CEP72: variants seen among roughly 807,000 people sequenced by gnomAD.
CEP72 encodes centrosomal protein 72, also known as centrosomal protein of 72 kDa.
In CEP72, 78 loss-of-function variants were observed where a neutral mutation model predicts 65.7. That is an observed-to-expected ratio of 1.19 (90% CI 0.99 to 1.43). CEP72 has a LOEUF of 1.43. CEP72 is among the 40% of genes most tolerant of loss of function. The pLI, the probability that CEP72 is intolerant of heterozygous loss-of-function variation, is 0.00. For synonymous variants in CEP72, 358 were observed against 351.7 expected (o/e 1.02, Z -0.20); for missense variants, 914 against 832.9 (o/e 1.10, Z -1.20).
intron 9 of CEP72, chr5:644,049 TCTCACAGGACTGGGGCG>T: frequency 2.3e-6 from 1 of 438,508 alleles, no homozygotes; most frequent in Non-Finnish European, 4.1e-6. Flanking sequence ...GGAGTGGGGC[TCTCACAGGACTGGGGCG>T]CTCCTTTCCA....
chr5:651,301 C>A (rs1561065958), intron 11 of CEP72, among the ~76,000 whole-genome samples: 1 of 131,414 alleles, frequency 7.6e-6, no homozygotes, highest in Non-Finnish European at 1.6e-5. Flanking sequence ...TGAGGTGTGA[C>A]TGTGAGGTGT....
downstream of CEP72, among the ~76,000 whole-genome samples, chr5:670,107 C>T (rs1301078321): frequency 1.3e-5 from 2 of 152,132 alleles, no homozygotes; most frequent in African/African-American, 2.4e-5. Flanking sequence ...CTGGTTCAGT[C>T]TCTCAGGGAC....
chr5:637,566 A>G lies in CEP72; in HGVS notation c.954A>G (p.Ser318=). Residue 318 remains serine, a synonymous_variant, in exon 7 of 12, where the codon TCA becomes TCG. Transcript: ENST00000264935. ...DSASSQKLDL[S]GEMVPGPLPA... is the part of the protein sequence containing the mutation. Reference sequence around the variant, plus strand: ...CCTCTTCTCAGAAGTTGGATTTGTCAGGAGAAATGGTGCCTGGTCCCCTGC... The same window carrying G: ...CCTCTTCTCAGAAGTTGGATTTGTCGGGAGAAATGGTGCCTGGTCCCCTGC... The G allele has an allele frequency of 6.2e-7, 1 of 1,614,072 alleles. No homozygotes were observed. Among genetic ancestry groups the G allele is most frequent in the Non-Finnish European group, 8.5e-7 (1 of 1,180,026 alleles).
intron 1 of CEP72, among the ~76,000 whole-genome samples, chr5:613,020 A>G (rs1217316126): frequency 1.3e-5 from 2 of 152,088 alleles, no homozygotes; most frequent in Non-Finnish European, 2.9e-5. Flanking sequence ...GGACATGTCA[A>G]TTTCTGTTTT....
intron 4 of CEP72, among the ~76,000 whole-genome samples, chr5:625,288 A>G (rs1208538078): frequency 6.6e-6 from 1 of 152,222 alleles, no homozygotes; most frequent in Non-Finnish European, 1.5e-5. Flanking sequence ...CGGATTGTAC[A>G]CTTTCTTGAG....
intron 9 of CEP72, among the ~76,000 whole-genome samples, chr5:643,942 G>A (rs555330078): frequency 7.9e-5 from 12 of 152,342 alleles, no homozygotes; most frequent in East Asian, 3.9e-4. Flanking sequence ...CCGTGAGGGC[G>A]TCCTGGAAGA....
chr5:671,181 G>A (rs1282243883), downstream of CEP72, among the ~76,000 whole-genome samples: 1 of 152,112 alleles, frequency 6.6e-6, no homozygotes, highest in Non-Finnish European at 1.5e-5. Flanking sequence ...GTCTCCCTCT[G>A]GGCGCACACC....
the CEP72 span, among the ~76,000 whole-genome samples, chr5:674,918 G>A: frequency 6.7e-6 from 1 of 150,308 alleles, no homozygotes; most frequent in Non-Finnish European, 1.5e-5. Context: ...TGCAGAGTCA[G>A]GCGCCAGTTG....
At chr5:629,830 T>G (rs1737102322) in intron 4 of CEP72, among the ~76,000 whole-genome samples, 1 of 76,946 alleles carries the variant, frequency 1.3e-5, no homozygotes, top group African/African-American at 9.2e-5. Flanking sequence ...CTGGTGGGGT[T>G]CTGTCCAGCG....
chr5:621,934 C>CG (rs1326275992), intron 3 of CEP72, among the ~76,000 whole-genome samples: 1 of 152,216 alleles, frequency 6.6e-6, no homozygotes, highest in Non-Finnish European at 1.5e-5. Context: ...CCACTGTGCC[C>CG]TGCTAATTTG....
Position 644,344 on chromosome 5 carries a change from A to G in CEP72, c.1585A>G (p.Arg529Gly). Residue 529 changes from arginine to glycine, a missense_variant, in exon 10 of 12, where the codon AGG (arginine) becomes GGG (glycine). Physicochemically the swap from Arg to Gly is moderately radical, Grantham distance 125 (BLOSUM62 -2). Coordinates refer to ENST00000264935, the MANE Select transcript of CEP72 (RefSeq NM_018140.4). ...HLDKSLEENSRLKSLLLSMKK... is the reference protein window; with the variant it reads ...HLDKSLEENSGLKSLLLSMKK... ...AGATAAATCTTTGGAAGAGAACAGTAGGTTAAAATCGCTTTTGTTGAGTAT... is the reference window on the plus strand; with the variant it reads ...AGATAAATCTTTGGAAGAGAACAGTGGGTTAAAATCGCTTTTGTTGAGTAT... 3.7e-6 allele frequency: 6 copies of G among 1,613,888 alleles called. No homozygotes were observed. Among genetic ancestry groups the G allele is most frequent in the Non-Finnish European group, 4.2e-6 (5 of 1,179,898 alleles).
intron 1 of CEP72, 94 bp from the exon 2 acceptor site, chr5:618,896 A>G (rs1040903426): frequency 2.1e-6 from 2 of 944,238 alleles, no homozygotes; most frequent in Middle Eastern, 3.3e-4. Context: ...AATCTGTGTC[A>G]GTTTCTACTC....
intron 4 of CEP72, among the ~76,000 whole-genome samples, chr5:627,661 G>T (rs983182154): frequency 6.6e-6 from 1 of 151,992 alleles, no homozygotes; most frequent in Admixed American, 6.5e-5. Context: ...ATTTTTTGCT[G>T]ACACCACTCC....
At chr5:647,771 A>G in intron 10 of CEP72, 34 bp from the exon 11 acceptor site, 4 of 1,431,388 alleles carry the variant, frequency 2.8e-6, no homozygotes, top group East Asian at 4.5e-5. Context: ...AGTTTTACTC[A>G]TTAATGGTAC....
At chr5:639,471 G>C (rs1039988100) in intron 8 of CEP72, among the ~76,000 whole-genome samples, 2 of 152,134 alleles carry the variant, frequency 1.3e-5, no homozygotes, top group South Asian at 2.1e-4. Flanking sequence ...GGGTGTTGGG[G>C]GGCCTGTCAC....
chr5:633,204 A>T (rs58024809), intron 4 of CEP72, among the ~76,000 whole-genome samples: 11 of 45,850 alleles, frequency 2.4e-4, no homozygotes, highest in African/African-American at 6.8e-4. Flanking sequence ...CGGGATTTAG[A>T]CCAGTCCTGG....
chr5:638,860 C>G (rs1001981985), intron 7 of CEP72, among the ~76,000 whole-genome samples: 1 of 152,072 alleles, frequency 6.6e-6, no homozygotes, highest in Admixed American at 6.5e-5. Flanking sequence ...GTGTGGGCCC[C>G]GTCCTGTCCT....
chr5:622,911 C>T (rs534740524), intron 3 of CEP72, among the ~76,000 whole-genome samples: 64 of 152,378 alleles, frequency 4.2e-4, no homozygotes, highest in African/African-American at 1.5e-3. Flanking sequence ...TCAGGAGCTA[C>T]AGTCCTTATT....
At chr5:643,724 C>T (rs1342766563) in intron 9 of CEP72, 10 of 924,728 alleles carry the variant, frequency 1.1e-5, no homozygotes, top group Non-Finnish European at 1.3e-5. Context: ...TTGGATGGCT[C>T]ACACCTCACC....
Sources: allele counts gnomAD v4.1 joint callset (sites outside exome capture counted in the v4.1 genomes callset), GRCh38; gene constraint gnomAD v4.1.1; transcripts MANE v1.5; gene names NCBI Gene and HGNC (gene_info 2026-07-23, HGNC 2026-07-21).